CHD2: variants seen among roughly 807,000 people sequenced by gnomAD.
CHD2 encodes ATP-dependent chromatin remodeler CHD2.
A neutral mutation model predicts 243.9 loss-of-function variants in CHD2; 28 were observed. The ratio of observed to expected loss-of-function variants is 0.11; its 90% CI spans 0.09 to 0.16. The LOEUF is 0.16. Ranked by LOEUF, CHD2 falls within the 10% of genes least tolerant of loss-of-function variation. CHD2 has a pLI of 1.00. For missense variants in CHD2, 1,386 were observed against 2,209.8 expected (o/e 0.63, Z 7.47); for synonymous variants, 775 against 779.0 (o/e 0.99, Z 0.09).
intron 19 of CHD2, among the ~76,000 whole-genome samples, chr15:92,973,425 A>AT (rs905642675): frequency 3.4e-4 from 51 of 151,912 alleles, no homozygotes; most frequent in Non-Finnish European, 5.6e-4. Flanking sequence ...GATTTATTAC[A>AT]TTTTTTTTAA....
At position 92,945,813 on chromosome 15, in the gene CHD2, T is replaced by G; in HGVS notation, c.1154-8T>G. ...ATAACTTTTCTGTCTTATTTTTTATTTGTTTAGCTGTGAAGACAAGTAAAT... is the reference window on the plus strand; with the variant it reads ...ATAACTTTTCTGTCTTATTTTTTATGTGTTTAGCTGTGAAGACAAGTAAAT... On this transcript the variant is annotated splice_region_variant and splice_polypyrimidine_tract_variant and intron_variant, in intron 10 of 38. Transcript: ENST00000394196. The G allele has an allele frequency of 6.5e-7, 1 of 1,542,208 alleles. No individual in the cohort carries two copies. The highest frequency in any genetic ancestry group is 8.8e-7 in the Non-Finnish European group (1 of 1,139,574).
At chr15:92,953,059 A>G (rs2053575023) in intron 13 of CHD2, among the ~76,000 whole-genome samples, 1 of 152,238 alleles carries the variant, frequency 6.6e-6, no homozygotes, top group Non-Finnish European at 1.5e-5. Flanking sequence ...CTTCTCTGTG[A>G]TAAAAGATAG....
At position 93,020,124 on chromosome 15, in the gene CHD2, C is replaced by T. The variant is rs767814807; in HGVS notation, c.5019C>T (p.His1673=). 3.7e-6 allele frequency: 6 copies of T among 1,614,130 alleles called. No individual in the cohort carries two copies. Among genetic ancestry groups the T allele is most frequent in the South Asian group, 1.1e-5 (1 of 91,074 alleles). Residue 1673 remains histidine, a synonymous_variant, in exon 38 of 39, where the codon CAC becomes CAT. Transcript: ENST00000394196. ...ATGAGCAGCACTGGTACAAGGACCA[C>T]CATTATGGGGACCGGCGACATATGG... ...HQYEQHWYKD[H]HYGDRRHMDA... is the part of the protein sequence containing the mutation.
Position 93,027,045 on chromosome 15 carries a change from C to T in CHD2, c.*2340C>T, listed in dbSNP as rs1245107329. Reference sequence around the variant, plus strand: ...CAGTGCCATATGAAGTAGCAAAAGGCAGTATCGGCCAGATCAGTGTTACAT... The same window carrying T: ...CAGTGCCATATGAAGTAGCAAAAGGTAGTATCGGCCAGATCAGTGTTACAT... On this transcript the variant is annotated 3_prime_UTR_variant, in exon 39 of 39. Transcript: ENST00000394196. 12 of 152,650 alleles carry T rather than the reference C, an allele frequency of 7.9e-5. 1 individual carries two copies. The highest frequency in any genetic ancestry group is 7.9e-4 in the Admixed American group (12 of 15,274). 9.5% of individuals were successfully genotyped at this position (152,650 alleles called of 1,614,324 possible). A position where few individuals can be genotyped will look rare whatever the true frequency, so the allele number is the denominator to read the frequency against.
chr15:93,008,243 T>G lies in CHD2; in HGVS notation c.4414-902T>G, dbSNP rs539678073. Among the ~76,000 whole-genome samples the G allele has an allele frequency of 2.0e-5, 3 of 152,366 alleles. No individual in the cohort carries two copies. In the East Asian group the frequency reaches 5.8e-4, roughly 29 times the overall value. On this transcript the variant is annotated intron_variant, in intron 34 of 38. Coordinates refer to ENST00000394196, the MANE Select transcript of CHD2 (RefSeq NM_001271.4). Reference sequence around the variant, plus strand: ...GGGTCATCCTGTGTGACTGTGCTCATGTGCTCAGGTAATCCTGTTTTCAGT... The same window carrying G: ...GGGTCATCCTGTGTGACTGTGCTCAGGTGCTCAGGTAATCCTGTTTTCAGT...
chr15:93,010,054 C>A (rs565096427), intron 35 of CHD2, among the ~76,000 whole-genome samples: 5 of 152,182 alleles, frequency 3.3e-5, no homozygotes, highest in African/African-American at 1.2e-4. Context: ...TCCGTTATAT[C>A]ATTTTTATGC....
chr15:93,002,719 G>T (rs2054273176), intron 33 of CHD2, among the ~76,000 whole-genome samples: 1 of 152,146 alleles, frequency 6.6e-6, no homozygotes, highest in African/African-American at 2.4e-5. Flanking sequence ...AAGAGTTATT[G>T]GAATATAAAT....
chr15:92,905,190 G>GTGAC (rs1312819217), intron 2 of CHD2, among the ~76,000 whole-genome samples: 2 of 152,180 alleles, frequency 1.3e-5, no homozygotes, highest in Non-Finnish European at 2.9e-5. Flanking sequence ...CTAATGCAGG[G>GTGAC]TGACTGACAG....
At chr15:92,936,443 C>T (rs900011486) in intron 5 of CHD2, among the ~76,000 whole-genome samples, 2 of 152,142 alleles carry the variant, frequency 1.3e-5, no homozygotes, top group African/African-American at 2.4e-5. Flanking sequence ...ATGTTTCTTC[C>T]CTCTTCTCTG....
intron 38 of CHD2, 142 bp from the exon 39 acceptor site, chr15:93,024,228 CTG>C (rs1383926358): frequency 2.4e-5 from 17 of 710,460 alleles, no homozygotes; most frequent in South Asian, 9.6e-5. Flanking sequence ...TAAAATGACT[CTG>C]TTATTAATTT....
intron 23 of CHD2, among the ~76,000 whole-genome samples, 182 bp downstream of exon 23, chr15:92,981,093 A>G (rs1287325912): frequency 6.6e-6 from 1 of 152,228 alleles, no homozygotes; most frequent in African/African-American, 2.4e-5. Flanking sequence ...AGGAATTAAT[A>G]AAGCATTCGA....
rs1237378542 is a variant in CHD2, at chr15:92,937,006, C to T, written c.444-512C>T. 2.6e-5 allele frequency among the ~76,000 whole-genome samples: 4 copies of T among 152,100 alleles called. No individual in the cohort carries two copies. In the East Asian group the frequency reaches 5.8e-4, roughly 22 times the overall value. ...AGTAACTAGGACTGTAGACATGCTCCACCAGGCCTGGCTCAATTTTAAAAT... is the reference window on the plus strand; with the variant it reads ...AGTAACTAGGACTGTAGACATGCTCTACCAGGCCTGGCTCAATTTTAAAAT... On this transcript the variant is annotated intron_variant, in intron 5 of 38. Coordinates refer to ENST00000394196, the MANE Select transcript of CHD2 (RefSeq NM_001271.4).
chr15:92,974,648 G>A lies in CHD2; in HGVS notation c.2506-231G>A, dbSNP rs2053884336. On this transcript the variant is annotated intron_variant, in intron 19 of 38. Coordinates refer to ENST00000394196, the MANE Select transcript of CHD2 (RefSeq NM_001271.4). ...CCATTCTGATCCTTGGCTAAACCTG[G>A]ACAGCCCTTTGAATCAGAAGCTTGT... The A allele has an allele frequency of 2.1e-5, 9 of 430,822 alleles. No individual in the cohort carries two copies. In the South Asian group the frequency reaches 2.2e-4, roughly 11 times the overall value. The allele number at this position is 430,822 out of a possible 1,614,324, so 26.7% of individuals were successfully genotyped here. A position where few individuals can be genotyped will look rare whatever the true frequency, so the allele number is the denominator to read the frequency against.
Position 92,904,760 on chromosome 15 carries a change from C to T in CHD2, c.62+3461C>T, listed in dbSNP as rs2052587940. The T allele has an allele frequency of 5.0e-6, 7 of 1,391,934 alleles. No individual in the cohort carries two copies. In the South Asian group the frequency reaches 6.8e-5, roughly 13 times the overall value. 86.2% of individuals were successfully genotyped at this position (1,391,934 alleles called of 1,614,324 possible). The stretch of plus-strand genomic sequence containing the variant: ...AGTTTTACATTTTCCCTTTTCATAC[C>T]TTAGCGTCCCTTCTCCCCGCCCCCG... On this transcript the variant is annotated intron_variant, in intron 2 of 38. Transcript: ENST00000394196.
chr15:92,959,960 C>T (rs533423176), intron 16 of CHD2, among the ~76,000 whole-genome samples: 44 of 152,226 alleles, frequency 2.9e-4, no homozygotes, highest in African/African-American at 1.0e-3. Flanking sequence ...AATCATATAT[C>T]AGTTAAAGCA....
Position 92,997,118 on chromosome 15 carries a change from C to CATG in CHD2, c.3734+23_3734+24insATG. On this transcript the variant is annotated intron_variant, in intron 29 of 38. Coordinates refer to ENST00000394196, the MANE Select transcript of CHD2 (RefSeq NM_001271.4). The surrounding 1 kb of genome is among the most constrained non-coding windows in gnomAD (Gnocchi z 4.1). Reference sequence around the variant, plus strand: ...AAAGTGAGTATATTTTGTGTACATGCTTAGATGGTCGTACCGTAAGAAAAT... The same window carrying CATG: ...AAAGTGAGTATATTTTGTGTACATGCATGTTAGATGGTCGTACCGTAAGAAAAT... The CATG allele has an allele frequency of 6.2e-7, 1 of 1,606,254 alleles. No individual in the cohort carries two copies. The highest frequency in any genetic ancestry group is 8.5e-7 in the Non-Finnish European group (1 of 1,177,620).
intron 16 of CHD2, among the ~76,000 whole-genome samples, chr15:92,958,234 G>A (rs913984662): frequency 6.6e-6 from 1 of 152,162 alleles, no homozygotes; most frequent in African/African-American, 2.4e-5. Context: ...ATGTTTGAAG[G>A]TTCTAGTTTC....
intron 2 of CHD2, among the ~76,000 whole-genome samples, chr15:92,916,223 C>T (rs62023121): frequency 0.12 from 16,400 of 136,326 alleles, 1,273 homozygotes; most frequent in Non-Finnish European, 0.18. Flanking sequence ...TGTGCCCCAT[C>T]ACCCTGGGCA....
At chr15:92,907,972 G>C (rs2052652406) in intron 2 of CHD2, among the ~76,000 whole-genome samples, 1 of 150,028 alleles carries the variant, frequency 6.7e-6, no homozygotes, top group African/African-American at 2.5e-5. Context: ...TAGTCAGCTT[G>C]GGTGCGTTTT....
Sources: allele counts gnomAD v4.1 joint callset (sites outside exome capture counted in the v4.1 genomes callset), GRCh38; gene constraint gnomAD v4.1.1; non-coding constraint Gnocchi (gnomAD v3.1); transcripts MANE v1.5; gene names NCBI Gene and HGNC (gene_info 2026-07-23, HGNC 2026-07-21).